TTC27: variants seen among roughly 807,000 people sequenced by gnomAD.
TTC27 encodes the protein tetratricopeptide repeat domain 27, also known as tetratricopeptide repeat protein 27.
Under a neutral mutation model 115.9 loss-of-function variants are expected in TTC27, and 79 were observed. That is an observed-to-expected ratio of 0.68 (90% confidence interval 0.57 to 0.82). The LOEUF (loss-of-function observed/expected upper bound fraction) is 0.82, where lower values mean the gene tolerates loss of function less well. Among genes scored for constraint, TTC27 ranks in the 40% least tolerant of loss-of-function variants. The pLI, the probability that TTC27 is intolerant of heterozygous loss-of-function variation, is 0.00. For synonymous variants in TTC27, 401 were observed against 356.0 expected (o/e 1.13, Z -1.42); for missense variants, 1,054 against 993.1 (o/e 1.06, Z -0.82).
intron 16 of TTC27, among the ~76,000 whole-genome samples, chr2:32,804,550 G>C (rs1023045961): frequency 2.0e-5 from 3 of 151,986 alleles, no homozygotes; most frequent in Non-Finnish European, 4.4e-5. Context: ...TATACTTAAA[G>C]GGTATGTGGA....
intron 3 of TTC27, among the ~76,000 whole-genome samples, chr2:32,639,408 T>C (rs533969561): frequency 6.6e-6 from 1 of 152,284 alleles, no homozygotes; most frequent in Admixed American, 6.5e-5. Context: ...CTTTTTTTTT[T>C]CAGCCTTCTG....
chr2:32,767,609 C>T (rs981567278), intron 13 of TTC27, among the ~76,000 whole-genome samples: 1 of 151,164 alleles, frequency 6.6e-6, no homozygotes, highest in Non-Finnish European at 1.5e-5. Flanking sequence ...CTACAGGCGC[C>T]CGCCACCGCG....
intron 12 of TTC27, among the ~76,000 whole-genome samples, chr2:32,752,919 G>T (rs942114333): frequency 6.6e-6 from 1 of 152,164 alleles, no homozygotes; most frequent in African/African-American, 2.4e-5. Context: ...AATGGTTGCA[G>T]TTCCTATTGC....
At chr2:32,672,565 A>C (rs1414529122) in intron 8 of TTC27, among the ~76,000 whole-genome samples, 181 bp downstream of exon 8, 1 of 152,246 alleles carries the variant, frequency 6.6e-6, no homozygotes, top group Non-Finnish European at 1.5e-5. Context: ...ACAAATCTCC[A>C]ATGAGTTGAT....
intron 4 of TTC27, among the ~76,000 whole-genome samples, chr2:32,647,571 G>A (rs1319961649): frequency 2.0e-5 from 3 of 152,184 alleles, no homozygotes; most frequent in Non-Finnish European, 2.9e-5. Flanking sequence ...GTTGCATCAC[G>A]GTTGTAGTAG....
rs765822706 is a variant in TTC27, at chr2:32,664,515, C to G, written c.805+48C>G. ...AATTGATTTTATTTTTATGATAAAA[C>G]TATATACATTGGCAGTTTGTATTGT... On this transcript the variant is annotated intron_variant, in intron 6 of 19. Coordinates refer to ENST00000317907, the MANE Select transcript of TTC27 (RefSeq NM_017735.5). 5 of 1,511,620 alleles carry G rather than the reference C, an allele frequency of 3.3e-6. No individual in the cohort carries two copies. The South Asian group carries it at 6.2e-5, about 19-fold the overall frequency. The allele number at this position is 1,511,620 out of a possible 1,614,324, so 93.6% of individuals were successfully genotyped here.
At chr2:32,799,249 G>A (rs531059065) in intron 16 of TTC27, among the ~76,000 whole-genome samples, 6 of 152,158 alleles carry the variant, frequency 3.9e-5, no homozygotes, top group Non-Finnish European at 8.8e-5. Context: ...GAAGAGTTAT[G>A]GTTTAATGGG....
chr2:32,657,197 GGATGGTCTC>G (rs1665357375), intron 5 of TTC27, among the ~76,000 whole-genome samples: 1 of 151,590 alleles, frequency 6.6e-6, no homozygotes, highest in African/African-American at 2.4e-5. Flanking sequence ...GTGTTAGCCA[GGATGGTCTC>G]GATCTCCTGA....
intron 9 of TTC27, among the ~76,000 whole-genome samples, chr2:32,702,396 T>A (rs1667216129): frequency 1.3e-5 from 2 of 152,166 alleles, no homozygotes; most frequent in Admixed American, 1.3e-4. Flanking sequence ...CTGTTTTCAC[T>A]TATCCAGTAC....
At chr2:32,804,197 A>T (rs969856306) in intron 16 of TTC27, among the ~76,000 whole-genome samples, 19 of 152,178 alleles carry the variant, frequency 1.2e-4, no homozygotes, top group African/African-American at 4.3e-4. Context: ...AATTTTATAT[A>T]CTCAGTGCTG....
chr2:32,794,117 A>G (rs1475874400), intron 16 of TTC27, among the ~76,000 whole-genome samples: 6 of 152,200 alleles, frequency 3.9e-5, no homozygotes, highest in Non-Finnish European at 7.3e-5. Context: ...TAATAGACAT[A>G]TATAAAACAT....
chr2:32,672,201 A>G, intron 7 of TTC27, 71 bp from the exon 8 acceptor site: 1 of 1,097,002 alleles, frequency 9.1e-7, no homozygotes, highest in Non-Finnish European at 1.4e-6. Flanking sequence ...CTAGCAATCT[A>G]TTACATGCCA....
At chr2:32,666,899 T>C (rs1665799324) in intron 7 of TTC27, 131 bp downstream of exon 7, 1 of 1,136,290 alleles carries the variant, frequency 8.8e-7, no homozygotes, top group Admixed American at 3.1e-5. Flanking sequence ...CTTTTAAAGG[T>C]TGCTGAGTCA....
At chr2:32,783,633 C>A (rs1209088120) in intron 15 of TTC27, among the ~76,000 whole-genome samples, 1 of 152,142 alleles carries the variant, frequency 6.6e-6, no homozygotes, top group Admixed American at 6.5e-5. Context: ...ATGAGGCAGA[C>A]TAGAGGAAAC....
chr2:32,638,395 T>A (rs1664505636), intron 3 of TTC27, among the ~76,000 whole-genome samples: 1 of 152,204 alleles, frequency 6.6e-6, no homozygotes, highest in African/African-American at 2.4e-5. Flanking sequence ...TTTTATTTTT[T>A]TCTAAGGCAG....
intron 12 of TTC27, among the ~76,000 whole-genome samples, chr2:32,754,795 C>G (rs182979077): frequency 1.4e-5 from 2 of 141,010 alleles, no homozygotes; most frequent in Admixed American, 6.9e-5. Flanking sequence ...ACCTCCCTCC[C>G]GGACGGGGCG....
At chr2:32,786,601 C>G (rs947953291) in intron 15 of TTC27, among the ~76,000 whole-genome samples, 2 of 152,122 alleles carry the variant, frequency 1.3e-5, no homozygotes, top group African/African-American at 4.8e-5. Context: ...TCTGGTCCCT[C>G]CACTACTGTC....
chr2:32,712,397 C>T (rs1314972829), intron 10 of TTC27, among the ~76,000 whole-genome samples: 1 of 152,058 alleles, frequency 6.6e-6, no homozygotes, highest in Non-Finnish European at 1.5e-5. Flanking sequence ...TTTATGGAAA[C>T]TATTTTAATG....
At chr2:32,645,762 G>C (rs1329650885) in intron 4 of TTC27, among the ~76,000 whole-genome samples, 14 of 151,874 alleles carry the variant, frequency 9.2e-5, no homozygotes, top group Admixed American at 6.6e-4. Context: ...TGTCGCCCAG[G>C]CTGGAGTGCA....
Sources: gnomAD v4.1 joint callset for allele counts (sites outside exome capture counted in the v4.1 genomes callset) on GRCh38, gnomAD v4.1.1 for gene constraint, MANE v1.5 for transcripts, NCBI Gene and HGNC (gene_info 2026-07-23, HGNC 2026-07-21) for gene names.